ATXN7L1: variants seen among roughly 807,000 people sequenced by gnomAD.
ATXN7L1 encodes the protein ataxin 7 like 1.
A neutral mutation model predicts 70.8 loss-of-function variants in ATXN7L1; 15 were observed. The observed-to-expected ratio is 0.21, with a 90% CI of 0.14 to 0.33. The LOEUF is 0.33. ATXN7L1 is among the 10% of genes least tolerant of loss of function. ATXN7L1 has a pLI of 1.00. For missense variants in ATXN7L1, 975 were observed against 1,097.1 expected, an observed-to-expected ratio of 0.89 and a Z score of 1.57; for synonymous variants, 440 against 445.1, an observed-to-expected ratio of 0.99 and a Z score of 0.14.
intron 3 of ATXN7L1, among the ~76,000 whole-genome samples, chr7:105,692,428 C>CCTTCCTT (rs1554431706): frequency 2.0e-3 from 107 of 53,758 alleles, no homozygotes; most frequent in Middle Eastern, 0.01. Context: ...CTTCCTTCCT[C>CCTTCCTT]CCTCCCTCCC....
At chr7:105,816,305 G>A (rs1428212330) in intron 2 of ATXN7L1, among the ~76,000 whole-genome samples, 2 of 152,168 alleles carry the variant, frequency 1.3e-5, no homozygotes, top group Non-Finnish European at 2.9e-5. Context: ...AAGGGCACTA[G>A]CTGAATTTTA....
chr7:105,816,700 A>G (rs955094055), intron 2 of ATXN7L1, among the ~76,000 whole-genome samples: 1 of 152,228 alleles, frequency 6.6e-6, no homozygotes, highest in African/African-American at 2.4e-5. Flanking sequence ...TCTCACCTCC[A>G]GCTGGGAGCT....
intron 3 of ATXN7L1, among the ~76,000 whole-genome samples, chr7:105,710,583 G>A (rs1467228350): frequency 6.6e-6 from 1 of 151,666 alleles, no homozygotes; most frequent in African/African-American, 2.4e-5. Context: ...AATTTTTTTT[G>A]TATTTTTTTA....
rs1208782503 is a variant in ATXN7L1, at chr7:105,638,460, T to A, written c.1095A>T (p.Gln365His). The A allele has an allele frequency of 6.4e-7, 1 of 1,552,216 alleles. No homozygotes were observed. Among genetic ancestry groups the A allele is most frequent in the Non-Finnish European group, 8.7e-7 (1 of 1,147,154 alleles). The change falls in exon 7 of 12, where the codon CAA becomes CAT. Residue 365 changes from glutamine (Q) to histidine (H), a missense_variant. By Grantham distance (24) the Gln-to-His change is conservative. Coordinates refer to ENST00000419735, the MANE Select transcript of ATXN7L1 (RefSeq NM_020725.2). ...GCAGAGAATCCTGTGCCGGCCCGGATTGGCTTGGAAGTATTTCCCTCGTGG... is the reference window on the plus strand; with the variant it reads ...GCAGAGAATCCTGTGCCGGCCCGGAATGGCTTGGAAGTATTTCCCTCGTGG... ...LTSTREILPS[Q>H]SGPAQDSLLG...
intron 3 of ATXN7L1, among the ~76,000 whole-genome samples, chr7:105,695,621 C>T (rs1791606547): frequency 6.6e-6 from 1 of 152,200 alleles, no homozygotes; most frequent in Non-Finnish European, 1.5e-5. Flanking sequence ...GCTTGTATAT[C>T]CACGGTGCAC....
At position 105,667,519 on chromosome 7, in the gene ATXN7L1, G is replaced by A. The variant is rs1455240277; in HGVS notation, c.356-2231C>T. Among the ~76,000 whole-genome samples, 3 of 104,906 alleles carry A rather than the reference G, an allele frequency of 2.9e-5. 1 individual carries two copies. The highest frequency in any genetic ancestry group is 6.3e-5 in the Non-Finnish European group (3 of 47,406). 68.8% of individuals were successfully genotyped at this position (104,906 alleles called of 152,430 possible). The stretch of plus-strand genomic sequence containing the variant: ...TCGAGACCATCCCGGCTAAAATGGT[G>A]AAACCCCGTCTCTACTAAAAATACA... On this transcript the variant is annotated intron_variant, in intron 3 of 11. Transcript: ENST00000419735.
intron 3 of ATXN7L1, among the ~76,000 whole-genome samples, chr7:105,665,615 T>C (rs1802492046): frequency 6.6e-6 from 1 of 152,128 alleles, no homozygotes; most frequent in Non-Finnish European, 1.5e-5. Context: ...ATCTGAACAG[T>C]GGGACAACCA....
In ATXN7L1 at chr7:105,757,672, G is replaced by T. The variant is rs547218785; in HGVS notation, c.355+30932C>A. Among the ~76,000 whole-genome samples the T allele has an allele frequency of 4.0e-5, 6 of 148,686 alleles. No homozygotes were observed. In the South Asian group the frequency reaches 1.3e-3, roughly 32 times the overall value. Reference sequence around the variant, plus strand: ...ACAGCTCACTACAGCCTCCATCTCCGGGGCCCAAGGAGCGATCCTCCCACC... The same window carrying T: ...ACAGCTCACTACAGCCTCCATCTCCTGGGCCCAAGGAGCGATCCTCCCACC... On this transcript the variant is annotated intron_variant, in intron 3 of 11. Transcript: ENST00000419735.
intron 2 of ATXN7L1, among the ~76,000 whole-genome samples, chr7:105,801,715 G>A (rs1219096725): frequency 6.6e-6 from 1 of 152,132 alleles, no homozygotes; most frequent in African/African-American, 2.4e-5. Flanking sequence ...TGAGCTCAGT[G>A]GTGTGCTGGA....
intron 2 of ATXN7L1, among the ~76,000 whole-genome samples, chr7:105,872,841 A>C (rs1343154923): frequency 7.1e-6 from 1 of 141,188 alleles, no homozygotes; most frequent in Non-Finnish European, 1.6e-5. Flanking sequence ...ATTTTACCAC[A>C]AAAAAAAAAA....
At chr7:105,719,538 C>T (rs755212958) in intron 3 of ATXN7L1, among the ~76,000 whole-genome samples, 6 of 152,154 alleles carry the variant, frequency 3.9e-5, no homozygotes, top group Non-Finnish European at 8.8e-5. Context: ...CCCTGCTGTG[C>T]TAACTGTACC....
chr7:105,627,948 G>A (rs1175298543), intron 7 of ATXN7L1, among the ~76,000 whole-genome samples: 3 of 145,530 alleles, frequency 2.1e-5, no homozygotes, highest in East Asian at 2.1e-4. Flanking sequence ...GGGTTCAAGC[G>A]ATTCTCCTGC....
intron 2 of ATXN7L1, among the ~76,000 whole-genome samples, chr7:105,873,442 C>T (rs1246989408): frequency 6.6e-6 from 1 of 152,178 alleles, no homozygotes; most frequent in Non-Finnish European, 1.5e-5. Flanking sequence ...AAAAAGAGGG[C>T]CCATGGCAAG....
chr7:105,851,365 C>G (rs944046234), intron 2 of ATXN7L1, among the ~76,000 whole-genome samples: 7 of 152,210 alleles, frequency 4.6e-5, no homozygotes, highest in African/African-American at 1.7e-4. Context: ...CCTCGACGAT[C>G]AACTATACGC....
At chr7:105,627,341 C>T (rs1012120307) in intron 7 of ATXN7L1, among the ~76,000 whole-genome samples, 6 of 150,882 alleles carry the variant, frequency 4.0e-5, no homozygotes, top group African/African-American at 1.5e-4. Flanking sequence ...CTCAGGGGAT[C>T]CACCCACCTC....
At chr7:105,822,351 T>C (rs1260649165) in intron 2 of ATXN7L1, among the ~76,000 whole-genome samples, 1 of 152,162 alleles carries the variant, frequency 6.6e-6, no homozygotes. Context: ...CTCCTGTGAA[T>C]GGGGAGGATG....
At chr7:105,798,856 C>T (rs1806382206) in intron 2 of ATXN7L1, among the ~76,000 whole-genome samples, 1 of 152,200 alleles carries the variant, frequency 6.6e-6, no homozygotes, top group South Asian at 2.1e-4. Flanking sequence ...ATAGGAATCC[C>T]AGGCAAAGAA....
At chr7:105,623,906 A>G (rs1795295428) in intron 8 of ATXN7L1, among the ~76,000 whole-genome samples, 169 bp downstream of exon 8, 2 of 152,186 alleles carry the variant, frequency 1.3e-5, no homozygotes, top group Admixed American at 6.5e-5. Flanking sequence ...TTCCTTTTGT[A>G]ATGTTCAAGG....
intron 9 of ATXN7L1, among the ~76,000 whole-genome samples, chr7:105,619,633 C>A (rs1176665953): frequency 6.3e-5 from 9 of 143,030 alleles, no homozygotes; most frequent in Non-Finnish European, 1.5e-5. Flanking sequence ...TCACTGTGAC[C>A]TTGAACTCTT....
Sources: allele counts gnomAD v4.1 joint callset (sites outside exome capture counted in the v4.1 genomes callset), GRCh38; gene constraint gnomAD v4.1.1; transcripts MANE v1.5; gene names NCBI Gene and HGNC (gene_info 2026-07-23, HGNC 2026-07-21).